Variants in ACSL3 observed in about 807,000 individuals in gnomAD.
The protein encoded by ACSL3 is fatty acid CoA ligase Acsl3.
In ACSL3, 34 loss-of-function variants were observed where a neutral mutation model predicts 84.7. That is an observed-to-expected ratio of 0.40 (90% CI 0.31 to 0.53). ACSL3 has a LOEUF of 0.53. ACSL3 is among the 20% of genes least tolerant of loss of function. The pLI, the probability that ACSL3 is intolerant of heterozygous loss-of-function variation, is 0.48. For synonymous variants in ACSL3, 315 were observed against 299.4 expected (o/e 1.05, Z -0.54); for missense variants, 680 against 873.1 (o/e 0.78, Z 2.79).
In ACSL3 at chr2:222,942,349, A is replaced by G. The variant is rs911437649; in HGVS notation, c.*695A>G. On this transcript the variant is annotated 3_prime_UTR_variant, in exon 17 of 17. Transcript: ENST00000357430. Reference sequence around the variant, plus strand: ...AAGAGAGGGTTATAGTTTAATAGTAAGGGAGATAACACAGCATGTGTAGCA... The same window carrying G: ...AAGAGAGGGTTATAGTTTAATAGTAGGGGAGATAACACAGCATGTGTAGCA... 6.3e-5 allele frequency: 12 copies of G among 189,700 alleles called. No individual in the cohort carries two copies. The highest frequency in any genetic ancestry group is 1.1e-4 in the Non-Finnish European group (10 of 90,016). The allele number at this position is 189,700 out of a possible 1,614,324, so 11.8% of individuals were successfully genotyped here.
At position 222,943,723 on chromosome 2, in the gene ACSL3, G is replaced by A. The variant is rs1195369707; in HGVS notation, c.*2069G>A. The A allele has an allele frequency of 6.6e-6, 1 of 152,018 alleles. No homozygotes were observed. Among genetic ancestry groups the A allele is most frequent in the Non-Finnish European group, 1.5e-5 (1 of 67,938 alleles). 9.4% of individuals were successfully genotyped at this position (152,018 alleles called of 1,614,324 possible). On this transcript the variant is annotated 3_prime_UTR_variant, in exon 17 of 17. Transcript: ENST00000357430. ...AGTCCCCTTTTAAACAAATTTGTCT[G>A]TAAGCAAAACTATCTTTAGTGACTT...
In ACSL3 at chr2:222,924,573, C is replaced by T. The variant is rs146465042; in HGVS notation, c.1270C>T (p.Arg424Cys). 17 of 1,607,466 alleles carry T rather than the reference C, an allele frequency of 1.1e-5. No homozygotes were observed. In the East Asian group the frequency reaches 2.0e-4, roughly 19 times the overall value. Reference protein sequence around the residue: ...NYKMEQISKGRNTPLCDSFVF... With the variant: ...NYKMEQISKGCNTPLCDSFVF... Reference sequence around the variant, plus strand: ...CAAAATGGAACAGATTTCAAAAGGACGTAATACTCCACTGTGCGACAGGTA... The same window carrying T: ...CAAAATGGAACAGATTTCAAAAGGATGTAATACTCCACTGTGCGACAGGTA... The change falls in exon 11 of 17, where the codon CGT (arginine) becomes TGT (cysteine). Residue 424 changes from arginine (R) to cysteine (C), a missense_variant. By Grantham distance (180) the Arg-to-Cys change is radical. Coordinates refer to ENST00000357430, the MANE Select transcript of ACSL3 (RefSeq NM_004457.5).
chr2:222,869,979 G>T (rs1239510616), intron 1 of ACSL3, among the ~76,000 whole-genome samples: 1 of 152,146 alleles, frequency 6.6e-6, no homozygotes, highest in African/African-American at 2.4e-5. Context: ...CAAATGGAGA[G>T]AATTGAGTGG....
At chr2:222,935,760 C>A (rs1394597174) in intron 16 of ACSL3, among the ~76,000 whole-genome samples, 5 of 152,040 alleles carry the variant, frequency 3.3e-5, no homozygotes, top group African/African-American at 1.2e-4. Context: ...TTGCATATTT[C>A]TTTCTTTTAT....
chr2:222,919,247 C>T, intron 7 of ACSL3, 45 bp downstream of exon 7: 1 of 1,598,030 alleles, frequency 6.3e-7, no homozygotes, highest in South Asian at 1.1e-5. Flanking sequence ...TTCTGGTGAC[C>T]ACATTCTCCA....
intron 14 of ACSL3, among the ~76,000 whole-genome samples, chr2:222,932,100 A>C (rs1203081191): frequency 6.6e-6 from 1 of 152,118 alleles, no homozygotes; most frequent in Non-Finnish European, 1.5e-5. Context: ...ATTTTTTCCA[A>C]ATCCCCAGGT....
chr2:222,939,226 T>TTC (rs577439866), intron 16 of ACSL3, among the ~76,000 whole-genome samples: 7 of 152,236 alleles, frequency 4.6e-5, no homozygotes, highest in Non-Finnish European at 7.3e-5. Context: ...TCAGCTACCT[T>TTC]TCTCTGTCTT....
intron 16 of ACSL3, among the ~76,000 whole-genome samples, chr2:222,940,957 G>A (rs896706151): frequency 6.6e-6 from 1 of 151,916 alleles, no homozygotes; most frequent in Non-Finnish European, 1.5e-5. Context: ...CTGGAGTGCA[G>A]TAGCACGATC....
intron 2 of ACSL3, among the ~76,000 whole-genome samples, chr2:222,896,618 GA>G (rs1695987613): frequency 9.3e-5 from 1 of 10,774 alleles, no homozygotes; most frequent in Non-Finnish European, 1.4e-4. Context: ...TGGCCGGGCA[GA>G]GGGGCTCCTC....
chr2:222,922,572 C>T, intron 8 of ACSL3, 136 bp from the exon 9 acceptor site: 3 of 1,074,134 alleles, frequency 2.8e-6, no homozygotes, highest in Non-Finnish European at 4.0e-6. Context: ...CTCTCTCTCA[C>T]AAACACATAC....
intron 1 of ACSL3, among the ~76,000 whole-genome samples, chr2:222,885,462 A>G (rs936666116): frequency 6.6e-6 from 1 of 152,138 alleles, no homozygotes; most frequent in Non-Finnish European, 1.5e-5. Flanking sequence ...GAGGTTAACC[A>G]TTTTTAATAG....
intron 7 of ACSL3, among the ~76,000 whole-genome samples, chr2:222,920,556 T>G (rs1696704403): frequency 6.6e-6 from 1 of 152,222 alleles, no homozygotes; most frequent in Non-Finnish European, 1.5e-5. Flanking sequence ...GATACTCTAG[T>G]CCAAAGCTAC....
intron 3 of ACSL3, among the ~76,000 whole-genome samples, chr2:222,901,475 T>C (rs574360546): frequency 7.1e-6 from 1 of 141,454 alleles, no homozygotes; most frequent in South Asian, 2.4e-4. Context: ...AATTTTAAAA[T>C]TAAGACATAT....
chr2:222,928,979 T>C (rs1026326772), intron 13 of ACSL3, 43 bp downstream of exon 13: 1 of 1,528,298 alleles, frequency 6.5e-7, no homozygotes, highest in Non-Finnish European at 9.0e-7. Flanking sequence ...TTTTAAAGTA[T>C]TAAACTTGAA....
intron 15 of ACSL3, 47 bp downstream of exon 15, chr2:222,933,327 C>G (rs1697080743): frequency 1.4e-6 from 2 of 1,380,990 alleles, no homozygotes; most frequent in Non-Finnish European, 2.0e-6. Context: ...TATTTGATGT[C>G]CATAGACATT....
intron 1 of ACSL3, among the ~76,000 whole-genome samples, chr2:222,863,915 G>C (rs1695075045): frequency 1.3e-5 from 2 of 151,964 alleles, no homozygotes; most frequent in South Asian, 4.2e-4. Context: ...AGATGAACTT[G>C]CCAAAGTTAC....
At chr2:222,910,598 T>A (rs1157463245) in intron 4 of ACSL3, among the ~76,000 whole-genome samples, 1 of 152,208 alleles carries the variant, frequency 6.6e-6, no homozygotes, top group Non-Finnish European at 1.5e-5. Flanking sequence ...TCATACATCA[T>A]TTTCCTCAAA....
chr2:222,939,645 C>T (rs533846110), intron 16 of ACSL3, among the ~76,000 whole-genome samples: 42 of 152,266 alleles, frequency 2.8e-4, no homozygotes, highest in African/African-American at 9.9e-4. Flanking sequence ...TTACTTTGTA[C>T]TGTGCTGAGG....
chr2:222,881,361 T>C (rs557350192), intron 1 of ACSL3, among the ~76,000 whole-genome samples: 12 of 152,270 alleles, frequency 7.9e-5, no homozygotes, highest in Non-Finnish European at 1.6e-4. Context: ...TATATAATAA[T>C]TATGATCATA....
Sources: allele counts gnomAD v4.1 joint callset (sites outside exome capture counted in the v4.1 genomes callset), GRCh38; gene constraint gnomAD v4.1.1; transcripts MANE v1.5; gene names NCBI Gene and HGNC (gene_info 2026-07-23, HGNC 2026-07-21).